The following SPATS2L variants were observed in gnomAD, a reference collection of about 807,000 sequenced individuals.
The protein encoded by SPATS2L is SPATS2-like protein.
Under a neutral mutation model 59.6 loss-of-function variants are expected in SPATS2L, and 30 were observed. The ratio of observed to expected loss-of-function variants is 0.50; its 90% CI spans 0.38 to 0.68. The LOEUF is 0.68. Ranked by LOEUF, SPATS2L falls within the 30% of genes least tolerant of loss-of-function variation. The pLI is 0.00. For missense variants in SPATS2L, 615 were observed against 700.0 expected, an observed-to-expected ratio of 0.88 and a Z score of 1.37; for synonymous variants, 252 against 263.5, an observed-to-expected ratio of 0.96 and a Z score of 0.42.
At chr2:200,326,902 T>TC in intron 1 of SPATS2L, among the ~76,000 whole-genome samples, 1 of 30,214 alleles carries the variant, frequency 3.3e-5, no homozygotes, top group East Asian at 3.3e-3. Context: ...GCCCGGCTAA[T>TC]TTTTTTTTTT....
Position 200,419,336 on chromosome 2 carries a change from C to T in SPATS2L, c.285C>T (p.Pro95=). 3 of 1,610,322 alleles carry T rather than the reference C, an allele frequency of 1.9e-6. No homozygotes were observed. In the South Asian group the frequency reaches 3.3e-5, roughly 18 times the overall value. The part of the protein sequence containing the change: ...KDKVERPEAG[P]LQPQPPQIQN... ...AGGTGGAGAGGCCTGAGGCAGGGCC[C>T]CTGCAGCCGCAGCCACCACAGATTC... is the stretch of plus-strand genomic sequence containing the variant. The change falls in exon 6 of 13, where the codon CCC becomes CCT. Residue 95 remains proline (P), a synonymous_variant. Coordinates refer to ENST00000409140, the MANE Select transcript of SPATS2L (RefSeq NM_001100423.2).
intron 8 of SPATS2L, among the ~76,000 whole-genome samples, chr2:200,441,470 CAA>C (rs2084695903): frequency 6.6e-6 from 1 of 152,132 alleles, no homozygotes; most frequent in Non-Finnish European, 1.5e-5. Flanking sequence ...AAGTTAAAGA[CAA>C]AAGAGAATTT....
At chr2:200,470,525 C>T (rs2086948273) in intron 11 of SPATS2L, among the ~76,000 whole-genome samples, 1 of 152,166 alleles carries the variant, frequency 6.6e-6, no homozygotes, top group Non-Finnish European at 1.5e-5. Context: ...TAGTCTTGTT[C>T]CCTATTAAGC....
At chr2:200,468,353 C>CACACACACACACACACACACACAA (rs2106220684) in intron 10 of SPATS2L, among the ~76,000 whole-genome samples, 1 of 148,550 alleles carries the variant, frequency 6.7e-6, no homozygotes, top group East Asian at 2.0e-4. Flanking sequence ...ATACTACACA[C>CACACACACACACACACACACACAA]ACACACACAC....
intron 1 of SPATS2L, among the ~76,000 whole-genome samples, chr2:200,317,099 A>G (rs550348188): frequency 6.6e-6 from 1 of 152,344 alleles, no homozygotes; most frequent in East Asian, 1.9e-4. Context: ...CAGAATCCAT[A>G]CTGCTGAAAA....
At chr2:200,307,713 C>T (rs1050161438) in intron 1 of SPATS2L, among the ~76,000 whole-genome samples, 1 of 152,228 alleles carries the variant, frequency 6.6e-6, no homozygotes, top group African/African-American at 2.4e-5. Context: ...TCTTCACCTG[C>T]GCGGGGATGC....
intron 3 of SPATS2L, among the ~76,000 whole-genome samples, chr2:200,401,907 A>G (rs2082541280): frequency 6.6e-6 from 1 of 152,162 alleles, no homozygotes; most frequent in Non-Finnish European, 1.5e-5. Context: ...CCTCTTAGAT[A>G]TCTGGACATG....
intron 1 of SPATS2L, among the ~76,000 whole-genome samples, chr2:200,327,327 C>T (rs1305700359): frequency 1.3e-5 from 2 of 151,884 alleles, no homozygotes; most frequent in African/African-American, 4.8e-5. Flanking sequence ...TCACTTGAAC[C>T]TGGGAGGCGG....
At chr2:200,373,620 G>A (rs867755053) in intron 2 of SPATS2L, among the ~76,000 whole-genome samples, 2 of 152,170 alleles carry the variant, frequency 1.3e-5, no homozygotes, top group Non-Finnish European at 2.9e-5. Context: ...AATATTTGGT[G>A]TTAGTCATCT....
intron 12 of SPATS2L, among the ~76,000 whole-genome samples, chr2:200,474,394 C>T (rs2087337418): frequency 6.6e-6 from 1 of 151,932 alleles, no homozygotes; most frequent in African/African-American, 2.4e-5. Flanking sequence ...GCAGCCTCAA[C>T]CTCCTGGGCT....
At chr2:200,459,336 C>T (rs1418374563) in intron 8 of SPATS2L, among the ~76,000 whole-genome samples, 1 of 152,100 alleles carries the variant, frequency 6.6e-6, no homozygotes, top group Non-Finnish European at 1.5e-5. Context: ...AGAATTGGGC[C>T]CATCTCCTTC....
At chr2:200,321,213 A>G (rs1356379084) in intron 1 of SPATS2L, among the ~76,000 whole-genome samples, 2 of 152,092 alleles carry the variant, frequency 1.3e-5, no homozygotes, top group African/African-American at 4.8e-5. Flanking sequence ...TGGACCCAGG[A>G]CGTTTGTACA....
At chr2:200,306,372 G>A (rs1206140792), upstream of SPATS2L, 6 of 1,002,278 alleles carry the variant, frequency 6.0e-6, no homozygotes, top group Admixed American at 1.8e-4. Context: ...CGGTGAAGTG[G>A]AGGTTTGGGG....
In SPATS2L at chr2:200,467,368, T is replaced by G. The variant is rs1251933547; in HGVS notation, c.926T>G (p.Met309Arg). 1 of 1,613,872 alleles carries G rather than the reference T, an allele frequency of 6.2e-7. No homozygotes were observed. Residue 309 changes from methionine (M) to arginine (R), a missense_variant, in exon 10 of 13, where the codon ATG becomes AGG. By Grantham distance (91) the Met-to-Arg change is moderately conservative. Around this residue, in one of 3 missense-constraint regions of SPATS2L, gnomAD observed 104 missense variants for 162.5 expected, o/e 0.64. Coordinates refer to ENST00000409140, the MANE Select transcript of SPATS2L (RefSeq NM_001100423.2). ...LTDLASQMAE[M>R]QLAELRAEIK... ...GACCTTGCCAGTCAGATGGCAGAGA[T>G]GCAGCTGGCCGAACTCAGGGCAGAA...
chr2:200,402,579 C>G (rs1163639058), intron 3 of SPATS2L, among the ~76,000 whole-genome samples: 1 of 152,212 alleles, frequency 6.6e-6, no homozygotes, highest in African/African-American at 2.4e-5. Context: ...ACTCTCTAGA[C>G]TAGGACAGGT....
chr2:200,418,886 C>T (rs181065101), intron 5 of SPATS2L, among the ~76,000 whole-genome samples: 17 of 152,268 alleles, frequency 1.1e-4, no homozygotes, highest in African/African-American at 3.4e-4. Flanking sequence ...GAGAGCTACT[C>T]CCCAGTGGCA....
chr2:200,377,334 G>C (rs1471108848), intron 2 of SPATS2L, among the ~76,000 whole-genome samples: 1 of 152,186 alleles, frequency 6.6e-6, no homozygotes, highest in African/African-American at 2.4e-5. Flanking sequence ...AAAATAGGCA[G>C]TGTTTACTCT....
Position 200,477,999 on chromosome 2 carries a change from C to T in SPATS2L, c.1645C>T (p.Leu549Phe). The T allele has an allele frequency of 1.9e-6, 3 of 1,582,640 alleles. No homozygotes were observed. The highest frequency in any genetic ancestry group is 1.4e-5 in the African/African-American group (1 of 73,872). ...RIEVSTDAAV[L>F]SVPAVTLVA ...AGAAGTTTCCACAGATGCAGCAGTT[C>T]TCTCAGTCCCGGCTGTGACGTTGGT... Residue 549 changes from leucine (L) to phenylalanine (F), a missense_variant, in exon 13 of 13, where the codon CTC becomes TTC. By Grantham distance (22) the Leu-to-Phe change is conservative (BLOSUM62 0). Transcript: ENST00000409140.
At chr2:200,419,550 A>G (rs1281220289) in intron 6 of SPATS2L, 54 bp downstream of exon 6, 7 of 1,591,340 alleles carry the variant, frequency 4.4e-6, no homozygotes, top group Middle Eastern at 1.7e-4. Flanking sequence ...AAAGAGCACA[A>G]AGGGAGCTCA....
Sources: gnomAD v4.1 joint callset for allele counts (sites outside exome capture counted in the v4.1 genomes callset) on GRCh38, gnomAD v4.1.1 for gene constraint, gnomAD v4.1.1 regional missense constraint, MANE v1.5 for transcripts, NCBI Gene and HGNC (gene_info 2026-07-23, HGNC 2026-07-21) for gene names.